The following LRRC74A variants were observed in gnomAD, a reference collection of about 807,000 sequenced individuals.
LRRC74A encodes the protein leucine rich repeat containing 74A.
Under a neutral mutation model 57.9 loss-of-function variants are expected in LRRC74A, and 44 were observed. The observed-to-expected ratio is 0.76, with a 90% confidence interval of 0.60 to 0.98. LRRC74A has a LOEUF of 0.98. Among genes scored for constraint, LRRC74A ranks in the 50% least tolerant of loss-of-function variants. The pLI, the probability that LRRC74A is intolerant of heterozygous loss-of-function variation, is 0.00. For missense variants in LRRC74A, 572 were observed against 574.0 expected (o/e 1.00, Z 0.04); for synonymous variants, 211 against 219.4 (o/e 0.96, Z 0.34).
chr14:76,833,531 T>TC (rs1896115598), intron 3 of LRRC74A, among the ~76,000 whole-genome samples: 4 of 135,980 alleles, frequency 2.9e-5, no homozygotes, highest in Admixed American at 8.5e-5. Flanking sequence ...AACTTCTACC[T>TC]CCCAGGTTCA....
At chr14:76,857,329 C>T (rs1897977618) in intron 9 of LRRC74A, 51 bp from the exon 10 acceptor site, 1 of 1,204,134 alleles carries the variant, frequency 8.3e-7, no homozygotes, top group Non-Finnish European at 1.2e-6. Context: ...TGCTCTGGGC[C>T]AGCCTCTCCT....
intron 13 of LRRC74A, among the ~76,000 whole-genome samples, 188 bp from the exon 14 acceptor site, chr14:76,869,937 T>C (rs1034410107): frequency 3.3e-5 from 5 of 151,650 alleles, no homozygotes; most frequent in Non-Finnish European, 7.3e-5. Flanking sequence ...TAAGTGTGTG[T>C]GTGTGCACAC....
chr14:76,864,265 G>T (rs370662743), intron 11 of LRRC74A, among the ~76,000 whole-genome samples: 3 of 152,048 alleles, frequency 2.0e-5, no homozygotes, highest in Non-Finnish European at 4.4e-5. Context: ...GTGGGAGGCC[G>T]TGCACTCCAG....
At chr14:76,848,896 G>A (rs1053915626) in intron 7 of LRRC74A, among the ~76,000 whole-genome samples, 5 of 152,152 alleles carry the variant, frequency 3.3e-5, no homozygotes, top group African/African-American at 9.7e-5. Flanking sequence ...GGGTGGGTGC[G>A]GGTGCAGTAA....
At chr14:76,869,897 G>GC (rs1899310239) in intron 13 of LRRC74A, among the ~76,000 whole-genome samples, 1 of 152,170 alleles carries the variant, frequency 6.6e-6, no homozygotes, top group Admixed American at 6.5e-5. Flanking sequence ...GATCTTAGGT[G>GC]CACATGTGCA....
chr14:76,836,464 C>A (rs1027028023), intron 4 of LRRC74A, 150 bp downstream of exon 4: 8 of 573,384 alleles, frequency 1.4e-5, no homozygotes, highest in Non-Finnish European at 2.5e-5. Context: ...AGGAGGGCCA[C>A]ATGTGAGAGG....
At position 76,826,590 on chromosome 14, in the gene LRRC74A, G is replaced by A. The variant is rs776808323; in HGVS notation, c.-108G>A. On this transcript the variant is annotated 5_prime_UTR_variant, in exon 1 of 14. Transcript: ENST00000689127. ...TCCCCTGGGATGCCCCCAGGTGAGG[G>A]AAGTTCACAGAGTTTGAGACAGAGG... The A allele has an allele frequency of 6.2e-7, 1 of 1,612,968 alleles. No homozygotes were observed. The highest frequency in any genetic ancestry group is 8.5e-7 in the Non-Finnish European group (1 of 1,179,498).
chr14:76,853,293 C>T lies in LRRC74A; in HGVS notation c.840C>T (p.Val280=). ...GNEVALALGE[V]LRLNRCLVYL... is the part of the protein sequence containing the mutation. Reference sequence around the variant, plus strand: ...AGGTGGCTCTGGCCCTAGGGGAAGTCCTCCGACTCAACCGCTGCCTGGTCT... The same window carrying T: ...AGGTGGCTCTGGCCCTAGGGGAAGTTCTCCGACTCAACCGCTGCCTGGTCT... Residue 280 remains valine (V), a synonymous_variant, in exon 9 of 14, where the codon GTC becomes GTT. Coordinates refer to ENST00000689127, the MANE Select transcript of LRRC74A (RefSeq NM_001385106.1). The T allele has an allele frequency of 1.2e-6, 2 of 1,613,522 alleles. No homozygotes were observed. Among genetic ancestry groups the T allele is most frequent in the South Asian group, 1.1e-5 (1 of 91,052 alleles).
At chr14:76,827,636 C>A (rs973443643) in intron 1 of LRRC74A, among the ~76,000 whole-genome samples, 1 of 152,054 alleles carries the variant, frequency 6.6e-6, no homozygotes, top group African/African-American at 2.4e-5. Context: ...CTGTTCCCAG[C>A]AATGAATATG....
intron 10 of LRRC74A, 61 bp from the exon 11 acceptor site, chr14:76,860,632 G>T: frequency 6.8e-7 from 1 of 1,478,844 alleles, no homozygotes; most frequent in Non-Finnish European, 9.2e-7. Flanking sequence ...AGGGTGCACT[G>T]GTTGGGCAGG....
chr14:76,863,701 G>T (rs1460407068), intron 11 of LRRC74A, among the ~76,000 whole-genome samples: 4 of 152,214 alleles, frequency 2.6e-5, no homozygotes, highest in African/African-American at 9.6e-5. Flanking sequence ...GCTGGCCACA[G>T]AATTTACTCC....
chr14:76,864,599 A>G (rs1282899762), intron 11 of LRRC74A, among the ~76,000 whole-genome samples: 1 of 152,230 alleles, frequency 6.6e-6, no homozygotes, highest in Non-Finnish European at 1.5e-5. Context: ...CATGCCTGTA[A>G]TCCCAGCACT....
rs533431736 is a variant in LRRC74A at position 76,836,545 on chromosome 14, A to T, written c.447+231A>T. Among the ~76,000 whole-genome samples the T allele has an allele frequency of 3.3e-5, 5 of 152,350 alleles. No homozygotes were observed. In the South Asian group the frequency reaches 1.0e-3, roughly 32 times the overall value. On this transcript the variant is annotated intron_variant, in intron 4 of 13. Coordinates refer to ENST00000689127, the MANE Select transcript of LRRC74A (RefSeq NM_001385106.1). Reference sequence around the variant, plus strand: ...CTGGGCGCGGTGGCTCACACCTGCAATCCCAGCACTTTGGGAGGCCGAGGT... The same window carrying T: ...CTGGGCGCGGTGGCTCACACCTGCATTCCCAGCACTTTGGGAGGCCGAGGT...
At chr14:76,867,218 GTGTGT>G (rs1898978441) in intron 12 of LRRC74A, 133 bp from the exon 13 acceptor site, 1 of 369,014 alleles carries the variant, frequency 2.7e-6, no homozygotes, top group Non-Finnish European at 5.0e-6. Flanking sequence ...GGGTGTGTGT[GTGTGT>G]GGTAGTGTGT....
chr14:76,848,843 G>GAGC (rs1292367371), intron 7 of LRRC74A, among the ~76,000 whole-genome samples: 1 of 152,224 alleles, frequency 6.6e-6, no homozygotes, highest in African/African-American at 2.4e-5. Flanking sequence ...TGGCCTGAGA[G>GAGC]AGCAGGAGGG....
chr14:76,851,739 C>T (rs1038015125), intron 7 of LRRC74A, among the ~76,000 whole-genome samples: 2 of 151,080 alleles, frequency 1.3e-5, no homozygotes, highest in African/African-American at 2.4e-5. Context: ...GATCTCCACT[C>T]ACTGCAACCT....
rs1336179745 is a variant in LRRC74A at position 76,870,159 on chromosome 14, T to C, written c.*10T>C. ...CACGATGAAGCCATAGCAACAAGTC[T>C]GGTCTAGAAAGAAGTCTCGGCGAGA... On this transcript the variant is annotated 3_prime_UTR_variant, in exon 14 of 14. Coordinates refer to ENST00000689127, the MANE Select transcript of LRRC74A (RefSeq NM_001385106.1). The C allele has an allele frequency of 1.2e-6, 2 of 1,610,572 alleles. No individual in the cohort carries two copies. The highest frequency in any genetic ancestry group is 2.7e-5 in the African/African-American group (2 of 75,044).
chr14:76,828,596 G>A (rs1000623394), intron 2 of LRRC74A, 177 bp downstream of exon 2: 6 of 901,364 alleles, frequency 6.7e-6, no homozygotes, highest in African/African-American at 6.6e-5. Flanking sequence ...CGGGCTGGCA[G>A]GGGAGAGCAG....
At chr14:76,867,148 T>TGGGGGGGGGG (rs1898947632) in intron 12 of LRRC74A, among the ~76,000 whole-genome samples, 1 of 4,078 alleles carries the variant, frequency 2.5e-4, no homozygotes, top group Non-Finnish European at 4.7e-4. Flanking sequence ...TGGGGGGGTG[T>TGGGGGGGGGG]GTGTGTTGGG....
Sources: gnomAD v4.1 joint callset for allele counts (sites outside exome capture counted in the v4.1 genomes callset) on GRCh38, gnomAD v4.1.1 for gene constraint, MANE v1.5 for transcripts, NCBI Gene and HGNC (gene_info 2026-07-23, HGNC 2026-07-21) for gene names.